The following CDH13 variants were observed in gnomAD, a reference collection of about 807,000 sequenced individuals.
CDH13 encodes the protein cadherin 13.
Under a neutral mutation model 63.8 loss-of-function variants are expected in CDH13, and 24 were observed. That is an observed-to-expected ratio of 0.38 (90% CI 0.27 to 0.53). The LOEUF is 0.53. Among genes scored for constraint, CDH13 ranks in the 20% least tolerant of loss-of-function variants. The pLI is 0.85. For synonymous variants in CDH13, 503 were observed against 355.3 expected (o/e 1.42, Z -4.67); for missense variants, 1,049 against 903.1 (o/e 1.16, Z -2.07).
chr16:83,170,908 G>C (rs891679051), intron 4 of CDH13, among the ~76,000 whole-genome samples: 1 of 146,714 alleles, frequency 6.8e-6, no homozygotes, highest in Non-Finnish European at 1.5e-5. Context: ...TGACAAAATT[G>C]ACAAAGTTTT....
At chr16:83,584,981 G>A (rs1197981257) in intron 7 of CDH13, among the ~76,000 whole-genome samples, 1 of 152,110 alleles carries the variant, frequency 6.6e-6, no homozygotes, top group Non-Finnish European at 1.5e-5. Flanking sequence ...ACCAATGAAA[G>A]CTCTGCCCCA....
chr16:82,673,660 A>AT (rs1232380536), intron 1 of CDH13, among the ~76,000 whole-genome samples: 1 of 152,252 alleles, frequency 6.6e-6, no homozygotes, highest in Non-Finnish European at 1.5e-5. Context: ...CCCTAAAGAA[A>AT]TCATATTTAA....
intron 10 of CDH13, among the ~76,000 whole-genome samples, chr16:83,715,469 C>T (rs1325972055): frequency 6.6e-6 from 1 of 152,164 alleles, no homozygotes; most frequent in East Asian, 1.9e-4. Flanking sequence ...GATCCTGGGG[C>T]TTGTAAGTAC....
intron 5 of CDH13, among the ~76,000 whole-genome samples, chr16:83,310,976 C>T (rs1335403413): frequency 6.6e-6 from 1 of 152,212 alleles, no homozygotes; most frequent in African/African-American, 2.4e-5. Flanking sequence ...ACAACACACA[C>T]AAAGTACTCC....
chr16:82,915,081 G>C (rs953296742), intron 2 of CDH13, among the ~76,000 whole-genome samples: 1 of 152,192 alleles, frequency 6.6e-6, no homozygotes, highest in Non-Finnish European at 1.5e-5. Flanking sequence ...TTGAAATCCA[G>C]TGATGAAATG....
At chr16:82,699,456 A>G (rs2030721818) in intron 1 of CDH13, among the ~76,000 whole-genome samples, 2 of 152,230 alleles carry the variant, frequency 1.3e-5, no homozygotes, top group Non-Finnish European at 2.9e-5. Context: ...TTTCAAGGGC[A>G]AAGAAGGTGA....
intron 5 of CDH13, among the ~76,000 whole-genome samples, chr16:83,299,102 C>A (rs577399893): frequency 6.6e-6 from 1 of 152,052 alleles, no homozygotes; most frequent in Admixed American, 6.5e-5. Context: ...TATAATTTTA[C>A]CAAAATAGAA....
intron 5 of CDH13, among the ~76,000 whole-genome samples, chr16:83,220,921 C>A (rs1444323748): frequency 6.6e-6 from 1 of 152,230 alleles, no homozygotes; most frequent in Non-Finnish European, 1.5e-5. Flanking sequence ...TTGAACACTG[C>A]ATGGCAGATA....
chr16:83,274,334 C>T (rs566605350), intron 5 of CDH13, among the ~76,000 whole-genome samples: 2 of 152,286 alleles, frequency 1.3e-5, no homozygotes, highest in South Asian at 2.1e-4. Flanking sequence ...TCAGTTAGCT[C>T]AGGCCCTTGG....
chr16:83,619,128 A>ACATC (rs376399080), intron 8 of CDH13, among the ~76,000 whole-genome samples: 1 of 152,204 alleles, frequency 6.6e-6, no homozygotes, highest in East Asian at 1.9e-4. Flanking sequence ...TTTCCAAAGT[A>ACATC]CATTCATTCA....
chr16:82,775,653 G>A (rs1351132148), intron 1 of CDH13, among the ~76,000 whole-genome samples: 2 of 152,192 alleles, frequency 1.3e-5, no homozygotes, highest in African/African-American at 4.8e-5. Context: ...TAACTGCTAA[G>A]TGGTAGAGCA....
At chr16:83,790,389 GT>G (rs879757235) in intron 13 of CDH13, among the ~76,000 whole-genome samples, 5 of 151,944 alleles carry the variant, frequency 3.3e-5, no homozygotes, top group East Asian at 1.9e-4. Flanking sequence ...TTTACTGTCA[GT>G]TTTTTTTGTT....
chr16:82,835,755 G>C (rs1307815998), intron 1 of CDH13, among the ~76,000 whole-genome samples: 1 of 152,198 alleles, frequency 6.6e-6, no homozygotes, highest in Non-Finnish European at 1.5e-5. Context: ...GAAGCCAGAA[G>C]TGCCCTGCTG....
intron 5 of CDH13, among the ~76,000 whole-genome samples, chr16:83,327,857 G>C (rs564521961): frequency 3.3e-5 from 5 of 152,364 alleles, no homozygotes; most frequent in African/African-American, 1.2e-4. Flanking sequence ...TGGTGGCTGG[G>C]CGCAGTGGCT....
chr16:82,785,740 A>G (rs866073573), intron 1 of CDH13, among the ~76,000 whole-genome samples: 28 of 152,332 alleles, frequency 1.8e-4, no homozygotes, highest in Middle Eastern at 3.4e-3. Context: ...AACTGCATGG[A>G]AGGGGCTGGA....
intron 5 of CDH13, among the ~76,000 whole-genome samples, chr16:83,308,562 A>G (rs956969051): frequency 1.3e-5 from 2 of 152,236 alleles, no homozygotes; most frequent in Non-Finnish European, 2.9e-5. Context: ...TACAAAGCCA[A>G]CGTCACTATT....
intron 4 of CDH13, among the ~76,000 whole-genome samples, chr16:83,213,110 G>T (rs375351584): frequency 7.9e-5 from 12 of 152,314 alleles, no homozygotes; most frequent in African/African-American, 2.6e-4. Context: ...AGAGACAGAC[G>T]TGTGCAGTGC....
intron 2 of CDH13, among the ~76,000 whole-genome samples, chr16:82,929,611 C>G (rs556729119): frequency 3.8e-4 from 51 of 133,952 alleles, no homozygotes; most frequent in Non-Finnish European, 6.6e-4. Context: ...AACGTCACGC[C>G]ACTGCACTCC....
intron 6 of CDH13, among the ~76,000 whole-genome samples, chr16:83,395,210 A>T (rs1392934237): frequency 6.7e-6 from 1 of 149,092 alleles, no homozygotes; most frequent in African/African-American, 2.5e-5. Flanking sequence ...GCTACTTGGG[A>T]GGCTGAGGCA....
Sources: allele counts gnomAD v4.1 joint callset (sites outside exome capture counted in the v4.1 genomes callset), GRCh38; gene constraint gnomAD v4.1.1; transcripts MANE v1.5; gene names NCBI Gene and HGNC (gene_info 2026-07-23, HGNC 2026-07-21).